The following GOLGA3 variants were observed in gnomAD, a reference collection of about 807,000 sequenced individuals.
The protein encoded by GOLGA3 is golgin subfamily A member 3.
Under a neutral mutation model 169.4 loss-of-function variants are expected in GOLGA3, and 75 were observed. That is an observed-to-expected ratio of 0.44 (90% confidence interval 0.37 to 0.54). The LOEUF (loss-of-function observed/expected upper bound fraction) is 0.54, where lower values mean the gene tolerates loss of function less well. Ranked by LOEUF, GOLGA3 falls within the 20% of genes least tolerant of loss-of-function variation. The probability of loss-of-function intolerance (pLI) is 0.00; values close to 1 mark genes in which losing one functional copy is unlikely to be tolerated. For synonymous variants in GOLGA3, 824 were observed against 822.4 expected, an observed-to-expected ratio of 1.00 and a Z score of -0.03; for missense variants, 1,899 against 1,930.0, an observed-to-expected ratio of 0.98 and a Z score of 0.30.
chr12:132,814,533 C>G (rs903708443), intron 3 of GOLGA3, among the ~76,000 whole-genome samples: 1 of 152,208 alleles, frequency 6.6e-6, no homozygotes, highest in African/African-American at 2.4e-5. Context: ...GGTCACGAGA[C>G]CCCGAGTGCA....
Position 132,782,379 on chromosome 12 carries a change from T to C in GOLGA3, c.3382A>G (p.Asn1128Asp). 2.5e-6 allele frequency: 4 copies of C among 1,614,264 alleles called. No homozygotes were observed. The highest frequency in any genetic ancestry group is 3.4e-6 in the Non-Finnish European group (4 of 1,180,044). The change falls in exon 17 of 24, where the codon AAC becomes GAC. Residue 1128 changes from asparagine (N) to aspartate (D), a missense_variant. Physicochemically the swap from Asn to Asp is conservative, Grantham distance 23. Coordinates refer to ENST00000450791, the MANE Select transcript of GOLGA3 (RefSeq NM_001389683.1). ...CTGTTGTGTTCCCGCAGAGCTGCGT[T>C]GGACTGACCGAGGCCCGTAAGCTTC... ...KGKLTGLGQS[N>D]AALREHNSIL...
chr12:132,813,173 TA>T (rs1566133633), intron 4 of GOLGA3, 133 bp downstream of exon 4: 1 of 638,048 alleles, frequency 1.6e-6, no homozygotes, highest in African/African-American at 1.8e-5. Flanking sequence ...GATTTAGAAA[TA>T]AAATGTGCTT....
chr12:132,785,146 C>T (rs1290729029), intron 15 of GOLGA3, among the ~76,000 whole-genome samples: 1 of 152,256 alleles, frequency 6.6e-6, no homozygotes, highest in East Asian at 1.9e-4. Flanking sequence ...AAGACATCGG[C>T]TCGCAGCTGT....
At chr12:132,786,093 TTTC>T (rs2045881998) in intron 15 of GOLGA3, among the ~76,000 whole-genome samples, 1 of 152,158 alleles carries the variant, frequency 6.6e-6, no homozygotes, top group Non-Finnish European at 1.5e-5. Flanking sequence ...GCCAAGGAGA[TTTC>T]TTGAGGAAAA....
chr12:132,789,910 GTAGTCCCAGC>G (rs1037780544), intron 12 of GOLGA3, among the ~76,000 whole-genome samples: 1 of 152,192 alleles, frequency 6.6e-6, no homozygotes, highest in African/African-American at 2.4e-5. Flanking sequence ...GTGCATGCTT[GTAGTCCCAGC>G]TACTCACGAG....
At position 132,808,018 on chromosome 12, in the gene GOLGA3, G is replaced by GA; in HGVS notation, c.1050dup (p.Pro351SerfsTer12). The GA allele has an allele frequency of 6.2e-7, 1 of 1,610,816 alleles. No homozygotes were observed. Among genetic ancestry groups the GA allele is most frequent in the Non-Finnish European group, 8.5e-7 (1 of 1,178,370 alleles). Reference sequence around the variant, plus strand: ...GGGAACTGGCCCAGGGTATCCGCAGGAATCTCCTGGCCGTTGACCATATAG... The same window carrying GA: ...GGGAACTGGCCCAGGGTATCCGCAGGAAATCTCCTGGCCGTTGACCATATAG... On this transcript the variant is annotated frameshift_variant, in exon 5 of 24. Coordinates refer to ENST00000450791, the MANE Select transcript of GOLGA3 (RefSeq NM_001389683.1). LOFTEE classifies it high-confidence loss of function.
At chr12:132,796,252 C>G in intron 10 of GOLGA3, 32 bp from the exon 11 acceptor site, 1 of 1,556,866 alleles carries the variant, frequency 6.4e-7, no homozygotes, top group Middle Eastern at 2.2e-4. Context: ...CATGGCTGCG[C>G]CTGACCCTCC....
intron 3 of GOLGA3, among the ~76,000 whole-genome samples, chr12:132,815,310 C>T (rs187149668): frequency 3.9e-5 from 6 of 152,250 alleles, no homozygotes; most frequent in East Asian, 1.9e-4. Flanking sequence ...CAGGGCCAGG[C>T]GCCAGCAGGA....
Position 132,786,803 on chromosome 12 carries a change from AGG to A in GOLGA3, c.2812-18_2812-17del. 2 of 1,557,854 alleles carry A rather than the reference AGG, an allele frequency of 1.3e-6. No individual in the cohort carries two copies. Among genetic ancestry groups the A allele is most frequent in the Non-Finnish European group, 1.8e-6 (2 of 1,128,930 alleles). The stretch of plus-strand genomic sequence containing the variant: ...ACTGCAACGACTGTGGAAGGGAAGG[AGG>A]GCGTGAGGAGCGGCACTGCCACCCC... On this transcript the variant is annotated splice_polypyrimidine_tract_variant and intron_variant, in intron 13 of 23. Coordinates refer to ENST00000450791, the MANE Select transcript of GOLGA3 (RefSeq NM_001389683.1).
chr12:132,783,500 C>T (rs948541766), intron 16 of GOLGA3, among the ~76,000 whole-genome samples: 1 of 152,198 alleles, frequency 6.6e-6, no homozygotes, highest in African/African-American at 2.4e-5. Context: ...CAGGGAGGGG[C>T]TGGGGAGTGG....
chr12:132,818,323 A>T (rs1385786489), intron 2 of GOLGA3, among the ~76,000 whole-genome samples: 1 of 152,218 alleles, frequency 6.6e-6, no homozygotes, highest in Non-Finnish European at 1.5e-5. Context: ...TCAGTCACAC[A>T]AGCTCAGCTC....
chr12:132,794,416 C>A (rs1437656605), intron 11 of GOLGA3, among the ~76,000 whole-genome samples: 1 of 151,962 alleles, frequency 6.6e-6, no homozygotes, highest in Admixed American at 6.5e-5. Flanking sequence ...ACCAGGCAGG[C>A]CCAGGAGGCC....
chr12:132,822,814 C>T (rs921631843), intron 1 of GOLGA3, among the ~76,000 whole-genome samples: 1 of 152,242 alleles, frequency 6.6e-6, no homozygotes, highest in East Asian at 1.9e-4. Flanking sequence ...CCCAGCTACT[C>T]GGGAGGCTGA....
intron 6 of GOLGA3, among the ~76,000 whole-genome samples, chr12:132,806,209 G>T (rs1045518396): frequency 1.3e-5 from 2 of 152,178 alleles, no homozygotes; most frequent in Non-Finnish European, 2.9e-5. Flanking sequence ...CAACCCTCAC[G>T]ATCTTGGTGT....
At chr12:132,778,300 C>T (rs1490267051) in intron 18 of GOLGA3, among the ~76,000 whole-genome samples, 2 of 150,554 alleles carry the variant, frequency 1.3e-5, no homozygotes, top group Admixed American at 6.6e-5. Context: ...ATAGGCCAGG[C>T]GTGGCGGCTC....
At chr12:132,798,304 TCTC>T (rs1948970228) in intron 9 of GOLGA3, 33 bp downstream of exon 9, 4 of 1,578,310 alleles carry the variant, frequency 2.5e-6, no homozygotes, top group Admixed American at 3.8e-5. Flanking sequence ...CTGCGTCTGT[TCTC>T]CTAAGCTTCC....
intron 1 of GOLGA3, among the ~76,000 whole-genome samples, chr12:132,823,160 C>T (rs55960846): frequency 0.2 from 30,853 of 152,230 alleles, 4,072 homozygotes; most frequent in Non-Finnish European, 0.3. Context: ...GGGCATCTCA[C>T]GGCAGGGCCC....
At chr12:132,826,136 C>T (rs1344030771) in intron 1 of GOLGA3, 43 of 1,582,846 alleles carry the variant, frequency 2.7e-5, no homozygotes, top group Non-Finnish European at 3.5e-5. Flanking sequence ...CCTCAACGTG[C>T]TCCAGGTCAC....
intron 18 of GOLGA3, among the ~76,000 whole-genome samples, chr12:132,780,259 A>G (rs2045521570): frequency 6.6e-6 from 1 of 152,172 alleles, no homozygotes; most frequent in African/African-American, 2.4e-5. Flanking sequence ...TACTAGGAGT[A>G]GCTGCTCTGT....
Sources: gnomAD v4.1 joint callset for allele counts (sites outside exome capture counted in the v4.1 genomes callset) on GRCh38, gnomAD v4.1.1 for gene constraint, MANE v1.5 for transcripts, NCBI Gene and HGNC (gene_info 2026-07-23, HGNC 2026-07-21) for gene names.